SUCLA2: variants seen among roughly 807,000 people sequenced by gnomAD.
SUCLA2 encodes the protein succinate-CoA ligase ADP-forming subunit beta.
SUCLA2 carries 30 observed loss-of-function variants against 54.8 expected under a neutral mutation model. The observed-to-expected ratio is 0.55, with a 90% CI of 0.41 to 0.74. The LOEUF (loss-of-function observed/expected upper bound fraction) is 0.74. Ranked by LOEUF, SUCLA2 falls within the 30% of genes least tolerant of loss-of-function variation. SUCLA2 has a pLI of 0.00. For synonymous variants in SUCLA2, 172 were observed against 188.9 expected (o/e 0.91, Z 0.74); for missense variants, 476 against 562.9 (o/e 0.85, Z 1.56).
intron 4 of SUCLA2, among the ~76,000 whole-genome samples, chr13:47,986,099 C>T (rs1207761738): frequency 2.7e-5 from 4 of 147,298 alleles, no homozygotes; most frequent in African/African-American, 7.5e-5. Context: ...AGCACAACCT[C>T]GGCTCACTGC....
chr13:47,956,304 C>G (rs943628261), intron 6 of SUCLA2, among the ~76,000 whole-genome samples: 26 of 151,896 alleles, frequency 1.7e-4, no homozygotes, highest in Non-Finnish European at 1.2e-4. Flanking sequence ...ATGAACTTAA[C>G]AGCAGACTGG....
chr13:47,954,155 G>T lies in SUCLA2; in HGVS notation c.1092C>A (p.Ile364=). 6.2e-7 allele frequency: 1 copy of T among 1,613,316 alleles called. No homozygotes were observed. Among genetic ancestry groups the T allele is most frequent in the Non-Finnish European group, 8.5e-7 (1 of 1,179,558 alleles). ...CTGCCCTTACCTTTTTATCTGAAGT[G>T]ATAAGCTTAAATGCTTCTGTTACTT... ...VHQVTEAFKL[I]TSDKKVLAIL... The change falls in exon 8 of 11, where the codon ATC becomes ATA. Residue 364 remains isoleucine, a synonymous_variant. Transcript: ENST00000646932.
rs1249311356 is a variant in SUCLA2, at chr13:48,000,083, A to T, written c.90+1097T>A. On this transcript the variant is annotated intron_variant, in intron 1 of 10. Transcript: ENST00000646932. ...AAAAGTCACTTCTATCGGGAAGCAA[A>T]CTCACAGAACTCACTACCCCTAGGC... Among the ~76,000 whole-genome samples, 7 of 151,694 alleles carry T rather than the reference A, an allele frequency of 4.6e-5. No homozygotes were observed. In the South Asian group the frequency reaches 6.2e-4, roughly 14 times the overall value.
intron 4 of SUCLA2, among the ~76,000 whole-genome samples, chr13:47,982,375 C>T (rs1950066625): frequency 6.6e-6 from 1 of 151,854 alleles, no homozygotes; most frequent in Non-Finnish European, 1.5e-5. Context: ...CTAAAATACT[C>T]AAACTTTTAG....
Position 47,974,348 on chromosome 13 carries a change from C to T in SUCLA2, c.535-956G>A, listed in dbSNP as rs150291365. ...CACCTGTAATCACAGCACTTCGGGA[C>T]GCCAAGGCAGAAGGACTACTTGAGT... On this transcript the variant is annotated intron_variant, in intron 4 of 10. Coordinates refer to ENST00000646932, the MANE Select transcript of SUCLA2 (RefSeq NM_003850.3). 3.3e-3 allele frequency among the ~76,000 whole-genome samples: 497 copies of T among 152,236 alleles called. 3 individuals are homozygous for T. Among genetic ancestry groups the T allele is most frequent in the African/African-American group, 0.011 (452 of 41,540 alleles).
At chr13:47,976,320 T>C (rs1180218063) in intron 4 of SUCLA2, among the ~76,000 whole-genome samples, 1 of 152,182 alleles carries the variant, frequency 6.6e-6, no homozygotes, top group East Asian at 1.9e-4. Context: ...ACATCTGCAA[T>C]GAAATCAGTA....
At chr13:47,964,209 G>T (rs1475435404) in intron 6 of SUCLA2, among the ~76,000 whole-genome samples, 2 of 151,856 alleles carry the variant, frequency 1.3e-5, no homozygotes, top group African/African-American at 2.4e-5. Flanking sequence ...AACCTTAAAA[G>T]GTTATATATT....
At chr13:48,000,874 G>A in intron 1 of SUCLA2, 1 of 1,238,982 alleles carries the variant, frequency 8.1e-7, no homozygotes, top group Non-Finnish European at 1.0e-6. Context: ...AGCAGAAAAT[G>A]TCCTGACCCC....
At chr13:47,964,021 T>C (rs1949894833) in intron 6 of SUCLA2, among the ~76,000 whole-genome samples, 1 of 152,200 alleles carries the variant, frequency 6.6e-6, no homozygotes, top group African/African-American at 2.4e-5. Context: ...CTTGCAAATG[T>C]TTGTAGCAGC....
chr13:47,970,746 G>A (rs1242499850), intron 5 of SUCLA2, among the ~76,000 whole-genome samples: 1 of 152,154 alleles, frequency 6.6e-6, no homozygotes, highest in Non-Finnish European at 1.5e-5. Context: ...TGTAATCCCA[G>A]CTACCTGGGA....
chr13:47,965,354 T>C (rs1289165237), intron 6 of SUCLA2, among the ~76,000 whole-genome samples: 3 of 151,918 alleles, frequency 2.0e-5, no homozygotes, highest in Non-Finnish European at 4.4e-5. Flanking sequence ...TGAGCCAAGT[T>C]AACATTATCA....
chr13:47,999,408 A>G (rs1264543018), intron 1 of SUCLA2, among the ~76,000 whole-genome samples: 2 of 152,184 alleles, frequency 1.3e-5, no homozygotes, highest in Non-Finnish European at 2.9e-5. Context: ...CAGAGAACTT[A>G]AACAAATGTT....
chr13:47,983,387 C>CAAATT (rs55787708), intron 4 of SUCLA2, among the ~76,000 whole-genome samples: 110,383 of 151,572 alleles, frequency 0.73, 41,121 homozygotes, highest in Non-Finnish European at 0.81. Flanking sequence ...AGAATATAGA[C>CAAATT]AAATCTACAG....
chr13:47,992,173 T>G (rs1292745543), intron 2 of SUCLA2, among the ~76,000 whole-genome samples: 3 of 152,184 alleles, frequency 2.0e-5, no homozygotes, highest in Non-Finnish European at 4.4e-5. Flanking sequence ...CTGAGCTAAA[T>G]TCAATCATTC....
Position 48,001,227 on chromosome 13 carries a change from T to A in SUCLA2, c.43A>T (p.Thr15Ser). ...MFYGRLVAVA[T>S]LRNHRPRTAQ... ...GTCCGAGGCCGGTGGTTCCGAAGGG[T>A]GGCCACGGCCACTAGCCTGCCGTAG... is the stretch of plus-strand genomic sequence containing the variant. Residue 15 changes from threonine to serine, a missense_variant, in exon 1 of 11, where the codon ACC becomes TCC. Thr to Ser is a moderately conservative substitution (Grantham distance 58). Around this residue, in one of 2 missense-constraint regions of SUCLA2, gnomAD observed 134 missense variants for 118.7 expected, o/e 1.13. Transcript: ENST00000646932. 5 of 1,607,444 alleles carry A rather than the reference T, an allele frequency of 3.1e-6. No individual in the cohort carries two copies. The highest frequency in any genetic ancestry group is 3.3e-4 in the Middle Eastern group (2 of 6,040).
chr13:47,993,838 C>T (rs1950169681), intron 2 of SUCLA2, among the ~76,000 whole-genome samples: 1 of 152,036 alleles, frequency 6.6e-6, no homozygotes. Flanking sequence ...GAGTTTAAGA[C>T]CAGCCTGATC....
At chr13:47,995,855 G>C (rs548331354) in intron 2 of SUCLA2, among the ~76,000 whole-genome samples, 5 of 150,024 alleles carry the variant, frequency 3.3e-5, no homozygotes, top group Admixed American at 2.7e-4. Context: ...TTTTGATTAA[G>C]AGATTAATTC....
intron 6 of SUCLA2, among the ~76,000 whole-genome samples, chr13:47,962,729 T>C (rs1372410784): frequency 6.6e-6 from 1 of 152,128 alleles, no homozygotes; most frequent in Non-Finnish European, 1.5e-5. Context: ...GAAAGACCAA[T>C]GACTGGATTC....
chr13:47,970,705 C>T (rs1347324949), intron 5 of SUCLA2, among the ~76,000 whole-genome samples: 3 of 151,932 alleles, frequency 2.0e-5, no homozygotes, highest in African/African-American at 7.3e-5. Flanking sequence ...ACTAAAAATA[C>T]AAAAATTAGC....
Sources: allele counts gnomAD v4.1 joint callset (sites outside exome capture counted in the v4.1 genomes callset), GRCh38; gene constraint gnomAD v4.1.1; regional missense constraint gnomAD v4.1.1; transcripts MANE v1.5; gene names NCBI Gene and HGNC (gene_info 2026-07-23, HGNC 2026-07-21).